The following FSCN2 variants were observed in gnomAD, a reference collection of about 807,000 sequenced individuals.
FSCN2 encodes the protein fascin actin-bundling protein 2, retinal.
A neutral mutation model predicts 37.8 loss-of-function variants in FSCN2; 46 were observed. The ratio of observed to expected loss-of-function variants is 1.22; its 90% CI spans 0.96 to 1.56. FSCN2 has a LOEUF of 1.56. Ranked by LOEUF, FSCN2 falls within the 40% of genes most tolerant of loss-of-function variation. The pLI, the probability that FSCN2 is intolerant of heterozygous loss-of-function variation, is 0.00. For synonymous variants in FSCN2, 351 were observed against 309.4 expected (o/e 1.13, Z -1.41); for missense variants, 844 against 730.4 (o/e 1.16, Z -1.79).
chr17:81,516,674 C>T, the FSCN2 span, among the ~76,000 whole-genome samples: 1 of 152,254 alleles, frequency 6.6e-6, no homozygotes, highest in East Asian at 1.9e-4. Flanking sequence ...TCCCACACTT[C>T]TGTCTCCTGG....
chr17:81,526,719 C>T (rs527323362), upstream of FSCN2, among the ~76,000 whole-genome samples: 40 of 152,332 alleles, frequency 2.6e-4, no homozygotes, highest in African/African-American at 8.2e-4. Context: ...TCCCTGGCAT[C>T]GGTGCTAGGC....
rs2032899892 is a variant in FSCN2, at chr17:81,536,864, C to A, written c.1274-11C>A. ...GGTGGGCACCCCCGCCGACGCCGTC[C>A]CGTCCCCCAGGCCGCGACGGAGGGT... On this transcript the variant is annotated splice_polypyrimidine_tract_variant and intron_variant, in intron 4 of 4. Transcript: ENST00000417245. 1 of 1,563,178 alleles carries A rather than the reference C, an allele frequency of 6.4e-7. No homozygotes were observed.
At chr17:81,531,360 GTGATGA>G (rs1568077246) in intron 1 of FSCN2, among the ~76,000 whole-genome samples, 5 of 118,386 alleles carry the variant, frequency 4.2e-5, no homozygotes, top group Middle Eastern at 4.5e-3. Context: ...GATGGTGATG[GTGATGA>G]TGGTGGTGGT....
intron 2 of FSCN2, among the ~76,000 whole-genome samples, chr17:81,535,515 TCCA>T (rs377174254): frequency 0.77 from 32,960 of 42,536 alleles, 12,707 homozygotes; most frequent in East Asian, 0.93. Context: ...CATCCCCATC[TCCA>T]CCATCTCCAT....
Position 81,528,851 on chromosome 17 carries a change from A to G in FSCN2, c.320A>G (p.His107Arg). ...CGCTGGGTGCTGCGGTCCGAGCCGCACGGCCGCTTCTTCGGAGGCACCGAG... is the reference window on the plus strand; with the variant it reads ...CGCTGGGTGCTGCGGTCCGAGCCGCGCGGCCGCTTCTTCGGAGGCACCGAG... The part of the protein sequence containing the change: ...DGRWVLRSEP[H>R]GRFFGGTEDQ... Residue 107 changes from histidine to arginine, a missense_variant, in exon 1 of 5, where the codon CAC becomes CGC. Physicochemically the swap from His to Arg is conservative, Grantham distance 29. Transcript: ENST00000417245. 1 of 1,556,478 alleles carries G rather than the reference A, an allele frequency of 6.4e-7. No individual in the cohort carries two copies. The highest frequency in any genetic ancestry group is 1.2e-5 in the South Asian group (1 of 84,990).
the FSCN2 span, among the ~76,000 whole-genome samples, chr17:81,517,452 G>A: frequency 6.6e-6 from 1 of 152,230 alleles, no homozygotes; most frequent in Admixed American, 6.5e-5. Flanking sequence ...CTGGGGACAG[G>A]AGGCCGTCAG....
the FSCN2 span, among the ~76,000 whole-genome samples, chr17:81,517,284 C>A: frequency 6.6e-6 from 1 of 152,076 alleles, no homozygotes; most frequent in Non-Finnish European, 1.5e-5. Context: ...AGCTGGGAGT[C>A]GGACACCTGG....
Position 81,528,461 on chromosome 17 carries a change from G to C in FSCN2, c.-71G>C, listed in dbSNP as rs1456337087. 3.3e-6 allele frequency: 4 copies of C among 1,204,818 alleles called. No individual in the cohort carries two copies. The highest frequency in any genetic ancestry group is 1.2e-6 in the Non-Finnish European group (1 of 854,716). 74.6% of individuals were successfully genotyped at this position (1,204,818 alleles called of 1,614,324 possible). The stretch of plus-strand genomic sequence containing the variant: ...CCAGCCGAGCCGACCCGGGCTTCTG[G>C]GGGACCGCGGGGGCCGTGAGCACTC... On this transcript the variant is annotated 5_prime_UTR_variant, in exon 1 of 5. Coordinates refer to ENST00000417245, the MANE Select transcript of FSCN2 (RefSeq NM_012418.4).
In FSCN2 at chr17:81,528,615, C is replaced by T. The variant is rs782555728; in HGVS notation, c.84C>T (p.Ser28=). ...NDTDRYLTAE[S]FGFKVNASAP... is the part of the protein sequence containing the mutation. ...CTGACCGCTACCTGACAGCTGAGAGCTTCGGCTTCAAGGTCAATGCCTCGG... is the reference window on the plus strand; with the variant it reads ...CTGACCGCTACCTGACAGCTGAGAGTTTCGGCTTCAAGGTCAATGCCTCGG... Residue 28 remains serine (S), a synonymous_variant, in exon 1 of 5, where the codon AGC becomes AGT. Transcript: ENST00000417245. 4 of 1,607,694 alleles carry T rather than the reference C, an allele frequency of 2.5e-6. No homozygotes were observed. The highest frequency in any genetic ancestry group is 2.2e-5 in the East Asian group (1 of 44,602).
At chr17:81,519,801 G>C in the FSCN2 span, among the ~76,000 whole-genome samples, 1 of 152,192 alleles carries the variant, frequency 6.6e-6, no homozygotes, top group Non-Finnish European at 1.5e-5. Context: ...TAGATGTCCG[G>C]GGTCCCTCCT....
At position 81,536,592 on chromosome 17, in the gene FSCN2, G is replaced by A. The variant is rs1157950886; in HGVS notation, c.1106-30G>A. 3.1e-6 allele frequency: 5 copies of A among 1,604,812 alleles called. No homozygotes were observed. Among genetic ancestry groups the A allele is most frequent in the Admixed American group, 3.3e-5 (2 of 59,892 alleles). On this transcript the variant is annotated intron_variant, in intron 3 of 4. Transcript: ENST00000417245. The stretch of plus-strand genomic sequence containing the variant: ...GCCTGGACAGGGAAGGTGGCGGGAG[G>A]GGCAGCGCAGCAGACGCTCTCCCCG...
intron 1 of FSCN2, among the ~76,000 whole-genome samples, chr17:81,532,305 G>C (rs1043254055): frequency 1.1e-3 from 152 of 132,734 alleles, no homozygotes; most frequent in Non-Finnish European, 1.8e-3. Context: ...GATGATGATA[G>C]TGATGGCGAT....
At chr17:81,526,863 C>G (rs978174440), upstream of FSCN2, among the ~76,000 whole-genome samples, 1 of 152,150 alleles carries the variant, frequency 6.6e-6, no homozygotes, top group Admixed American at 6.5e-5. Flanking sequence ...CAGTTGGTGC[C>G]TCATAAATGC....
chr17:81,524,387 A>G (rs2032286953), upstream of FSCN2, among the ~76,000 whole-genome samples: 3 of 152,154 alleles, frequency 2.0e-5, no homozygotes, highest in South Asian at 4.1e-4. Flanking sequence ...GCCCACCGGG[A>G]CAAGGCACCC....
intron 1 of FSCN2, among the ~76,000 whole-genome samples, chr17:81,531,204 G>GGTGATAA (rs2032542372): frequency 1.0e-5 from 1 of 99,372 alleles, no homozygotes; most frequent in African/African-American, 5.0e-5. Flanking sequence ...GGTGGTGATG[G>GGTGATAA]TGGTGATGGT....
At chr17:81,516,485 G>T in the FSCN2 span, among the ~76,000 whole-genome samples, 1 of 152,168 alleles carries the variant, frequency 6.6e-6, no homozygotes, top group Admixed American at 6.5e-5. Flanking sequence ...GAAATGCAAG[G>T]TGATGGCCCT....
upstream of FSCN2, among the ~76,000 whole-genome samples, chr17:81,524,683 C>T (rs1330689015): frequency 6.6e-6 from 1 of 152,112 alleles, no homozygotes; most frequent in Middle Eastern, 3.2e-3. Context: ...TGCCCCAGCC[C>T]ACCATATGCT....
At chr17:81,516,920 C>G in the FSCN2 span, among the ~76,000 whole-genome samples, 1 of 142,066 alleles carries the variant, frequency 7.0e-6, no homozygotes, top group Admixed American at 6.8e-5. Context: ...GGTCCCCAGA[C>G]CAGGTCTCTG....
chr17:81,533,563 G>A (rs1426184727), intron 1 of FSCN2, among the ~76,000 whole-genome samples: 2 of 152,194 alleles, frequency 1.3e-5, no homozygotes, highest in Non-Finnish European at 2.9e-5. Flanking sequence ...AAGTCCAGAG[G>A]AAAAAGAGGC....
Sources: allele counts gnomAD v4.1 joint callset (sites outside exome capture counted in the v4.1 genomes callset), GRCh38; gene constraint gnomAD v4.1.1; transcripts MANE v1.5; gene names NCBI Gene and HGNC (gene_info 2026-07-23, HGNC 2026-07-21).